Variants in EFNA5 observed in about 807,000 individuals in gnomAD.
The protein encoded by EFNA5 is ephrin-A5.
EFNA5 carries 5 observed loss-of-function variants against 22.9 expected under a neutral mutation model. That is an observed-to-expected ratio of 0.22 (90% confidence interval 0.11 to 0.46). EFNA5 has a LOEUF of 0.46. EFNA5 is among the 20% of genes least tolerant of loss of function. The pLI, the probability that EFNA5 is intolerant of heterozygous loss-of-function variation, is 0.99. For synonymous variants in EFNA5, 113 were observed against 112.2 expected, an observed-to-expected ratio of 1.01 and a Z score of -0.04; for missense variants, 237 against 293.3, an observed-to-expected ratio of 0.81 and a Z score of 1.40.
chr5:107,569,553 ATATATT>A lies in EFNA5; in HGVS notation c.125+100930_125+100935del, dbSNP rs1367986231. On this transcript the variant is annotated intron_variant, in intron 1 of 4. Coordinates refer to ENST00000333274, the MANE Select transcript of EFNA5 (RefSeq NM_001962.3). Reference sequence around the variant, plus strand: ...TATTTATATATATATGTGTGTATATATATATTTATATATATATATATATATATATAT... The same window carrying A: ...TATTTATATATATATGTGTGTATATATATATATATATATATATATATATAT... Among the ~76,000 whole-genome samples, 139 of 117,846 alleles carry A rather than the reference ATATATT, an allele frequency of 1.2e-3. 1 individual carries two copies. The highest frequency in any genetic ancestry group is 3.0e-3 in the African/African-American group (104 of 34,792). 77.3% of individuals were successfully genotyped at this position (117,846 alleles called of 152,430 possible).
intron 2 of EFNA5, among the ~76,000 whole-genome samples, chr5:107,400,109 TTAAATGATAGAGAATAAC>T (rs1748046504): frequency 1.3e-5 from 2 of 152,164 alleles, no homozygotes; most frequent in East Asian, 3.8e-4. Flanking sequence ...TAAAATATTT[TTAAATGATAGAGAATAAC>T]TAAATCTAAG....
At chr5:107,434,428 TC>T (rs1265863510) in intron 1 of EFNA5, among the ~76,000 whole-genome samples, 2 of 152,190 alleles carry the variant, frequency 1.3e-5, no homozygotes, top group Non-Finnish European at 2.9e-5. Flanking sequence ...AGCACCATAA[TC>T]CTCCTTCTCT....
At chr5:107,567,671 T>C (rs1748691368) in intron 1 of EFNA5, among the ~76,000 whole-genome samples, 1 of 152,170 alleles carries the variant, frequency 6.6e-6, no homozygotes, top group Admixed American at 6.5e-5. Flanking sequence ...CAGCATTCTC[T>C]CACAAGAGTA....
intron 1 of EFNA5, among the ~76,000 whole-genome samples, chr5:107,629,850 A>G (rs1750212046): frequency 1.3e-5 from 2 of 152,052 alleles, no homozygotes; most frequent in South Asian, 2.1e-4. Context: ...TGAGGTAAGG[A>G]GTTTGAGAAC....
chr5:107,616,359 G>C (rs1355031698), intron 1 of EFNA5, among the ~76,000 whole-genome samples: 2 of 152,132 alleles, frequency 1.3e-5, no homozygotes, highest in African/African-American at 4.8e-5. Flanking sequence ...GCTATGCTTG[G>C]TTTAGGCTGC....
chr5:107,388,376 C>T (rs1747695087), intron 2 of EFNA5: 1 of 152,196 alleles, frequency 6.6e-6, no homozygotes, highest in South Asian at 2.1e-4. Flanking sequence ...TAACTTCCAT[C>T]ATGCTATTAT....
At chr5:107,411,847 C>T (rs187480094) in intron 2 of EFNA5, among the ~76,000 whole-genome samples, 21 of 152,306 alleles carry the variant, frequency 1.4e-4, no homozygotes, top group Admixed American at 1.4e-3. Context: ...ACTGGAATTA[C>T]AAGGTGTGAG....
chr5:107,539,741 G>T (rs1748005784), intron 1 of EFNA5, among the ~76,000 whole-genome samples: 1 of 152,158 alleles, frequency 6.6e-6, no homozygotes, highest in African/African-American at 2.4e-5. Context: ...ACAGGCTATA[G>T]GCACAAGCCA....
intron 1 of EFNA5, among the ~76,000 whole-genome samples, chr5:107,629,843 G>C (rs1750211775): frequency 6.6e-6 from 1 of 152,026 alleles, no homozygotes; most frequent in Admixed American, 6.6e-5. Flanking sequence ...GATCATTTGA[G>C]GTAAGGAGTT....
chr5:107,519,140 G>A (rs1019766473), intron 1 of EFNA5, among the ~76,000 whole-genome samples: 4 of 152,174 alleles, frequency 2.6e-5, no homozygotes, highest in African/African-American at 4.8e-5. Flanking sequence ...TTACCCTGTC[G>A]TTGTTCTTCA....
intron 1 of EFNA5, among the ~76,000 whole-genome samples, chr5:107,645,015 A>G (rs181085155): frequency 1.1e-4 from 16 of 152,006 alleles, no homozygotes; most frequent in African/African-American, 2.2e-4. Flanking sequence ...CTGTTTTTCA[A>G]ATTTTAAGTT....
chr5:107,669,654 G>C (rs1248822811), intron 1 of EFNA5, among the ~76,000 whole-genome samples: 2 of 152,100 alleles, frequency 1.3e-5, no homozygotes, highest in African/African-American at 4.8e-5. Context: ...GGCGGGCTTC[G>C]GGACGCCTAC....
rs1227632796 is a variant in EFNA5 at position 107,380,953 on chromosome 5, G to A, written c.*302C>T. 4 of 375,434 alleles carry A rather than the reference G, an allele frequency of 1.1e-5. No homozygotes were observed. The East Asian group carries it at 1.2e-4, about 11-fold the overall frequency. The allele number at this position is 375,434 out of a possible 1,614,324, so 23.3% of individuals were successfully genotyped here. ...TAGAGGAGAATGCACAGGAGCTGAC[G>A]AACCACTGGTGTCACTATGACAATT... On this transcript the variant is annotated 3_prime_UTR_variant, in exon 5 of 5. Coordinates refer to ENST00000333274, the MANE Select transcript of EFNA5 (RefSeq NM_001962.3).
At chr5:107,449,348 C>G (rs1467486836) in intron 1 of EFNA5, among the ~76,000 whole-genome samples, 1 of 148,392 alleles carries the variant, frequency 6.7e-6, no homozygotes, top group Non-Finnish European at 1.5e-5. Flanking sequence ...AGGGTGGAAG[C>G]CAAAAATATG....
intron 1 of EFNA5, among the ~76,000 whole-genome samples, chr5:107,494,304 C>T (rs568566964): frequency 2.2e-3 from 339 of 152,298 alleles, no homozygotes; most frequent in Non-Finnish European, 4.0e-3. Flanking sequence ...GCTGGAGTTC[C>T]GGGTGGGCGT....
chr5:107,624,051 G>T (rs552929455), intron 1 of EFNA5, among the ~76,000 whole-genome samples: 1 of 151,856 alleles, frequency 6.6e-6, no homozygotes, highest in South Asian at 2.1e-4. Context: ...GCAGAGTTAA[G>T]ACCCGAAATA....
intron 1 of EFNA5, among the ~76,000 whole-genome samples, chr5:107,576,178 G>A (rs1319772661): frequency 6.6e-6 from 1 of 151,952 alleles, no homozygotes; most frequent in Non-Finnish European, 1.5e-5. Context: ...TTTTCCTACA[G>A]TGTTCTCACA....
At chr5:107,438,003 C>T (rs182359339) in intron 1 of EFNA5, among the ~76,000 whole-genome samples, 103 of 152,216 alleles carry the variant, frequency 6.8e-4, no homozygotes, top group Non-Finnish European at 1.3e-3. Flanking sequence ...TACCATTTAT[C>T]GGGGTAATTA....
At chr5:107,504,824 T>C (rs1250511466) in intron 1 of EFNA5, among the ~76,000 whole-genome samples, 1 of 152,206 alleles carries the variant, frequency 6.6e-6, no homozygotes, top group African/African-American at 2.4e-5. Context: ...AGACTCTGAA[T>C]TTTAATCTTT....
Sources: allele counts gnomAD v4.1 joint callset (sites outside exome capture counted in the v4.1 genomes callset), GRCh38; gene constraint gnomAD v4.1.1; transcripts MANE v1.5; gene names NCBI Gene and HGNC (gene_info 2026-07-23, HGNC 2026-07-21).